NCK1: variants seen among roughly 807,000 people sequenced by gnomAD.
The protein encoded by NCK1 is SH2/SH3 adapter protein NCK1.
Under a neutral mutation model 36.6 loss-of-function variants are expected in NCK1, and 19 were observed. The observed-to-expected ratio is 0.52, with a 90% CI of 0.36 to 0.76. The LOEUF (loss-of-function observed/expected upper bound fraction) is 0.76, where lower values mean the gene tolerates loss of function less well. NCK1 is among the 30% of genes least tolerant of loss of function. NCK1 has a pLI of 0.00. For synonymous variants in NCK1, 165 were observed against 156.0 expected (o/e 1.06, Z -0.43); for missense variants, 358 against 445.6 (o/e 0.80, Z 1.77).
intron 1 of NCK1, among the ~76,000 whole-genome samples, chr3:136,912,486 T>G (rs1939852848): frequency 8.8e-6 from 1 of 113,612 alleles, no homozygotes; most frequent in African/African-American, 3.3e-5. Context: ...TTGACTTTTC[T>G]TCAGTCTTTT....
chr3:136,930,768 C>T lies in NCK1; in HGVS notation c.226+2541C>T, dbSNP rs79750596. Among the ~76,000 whole-genome samples, 316 of 152,176 alleles carry T rather than the reference C, an allele frequency of 2.1e-3. 7 individuals carry two copies. In the East Asian group the frequency reaches 0.048, roughly 23 times the overall value. Reference sequence around the variant, plus strand: ...ATATATCCAAAAATTGTAGTTTCGACTTGGTAAGTAAAATAATTTTAAAAT... The same window carrying T: ...ATATATCCAAAAATTGTAGTTTCGATTTGGTAAGTAAAATAATTTTAAAAT... On this transcript the variant is annotated intron_variant, in intron 2 of 3. Coordinates refer to ENST00000481752, the MANE Select transcript of NCK1 (RefSeq NM_001291999.2).
At chr3:136,905,100 C>T (rs1939650147) in intron 1 of NCK1, among the ~76,000 whole-genome samples, 2 of 151,452 alleles carry the variant, frequency 1.3e-5, no homozygotes, top group African/African-American at 2.4e-5. Flanking sequence ...GCAACCTTCA[C>T]CTCCCAGGTT....
chr3:136,866,062 A>C (rs571945933), intron 1 of NCK1, among the ~76,000 whole-genome samples: 1 of 152,336 alleles, frequency 6.6e-6, no homozygotes, highest in Admixed American at 6.5e-5. Context: ...TGCTTCAAAC[A>C]CATCCTTCAC....
chr3:136,893,895 C>T (rs1324718832), intron 1 of NCK1, among the ~76,000 whole-genome samples: 1 of 152,180 alleles, frequency 6.6e-6, no homozygotes, highest in African/African-American at 2.4e-5. Context: ...GCTGGGCCAG[C>T]ATTTAAGCTG....
intron 1 of NCK1, among the ~76,000 whole-genome samples, chr3:136,867,170 TTCCTTCCTTCTTTC>T (rs1560028613): frequency 8.7e-5 from 5 of 57,484 alleles, no homozygotes; most frequent in Non-Finnish European, 1.1e-4. Context: ...CCTTCCTTCC[TTCCTTCCTTCTTTC>T]TTTCTTTTCT....
At chr3:136,922,077 C>A (rs1308731539) in intron 1 of NCK1, among the ~76,000 whole-genome samples, 1 of 152,218 alleles carries the variant, frequency 6.6e-6, no homozygotes, top group Non-Finnish European at 1.5e-5. Context: ...GCCACCGCGC[C>A]CGGCCACTGA....
intron 3 of NCK1, among the ~76,000 whole-genome samples, chr3:136,946,666 TTGGATGCAATGTGTAA>T (rs138413549): frequency 0.68 from 103,574 of 152,032 alleles, 35,580 homozygotes; most frequent in East Asian, 0.87. Context: ...AAAATTGCTA[TTGGATGCAATGTGTAA>T]GAAGGTAGTC....
intron 2 of NCK1, among the ~76,000 whole-genome samples, chr3:136,934,085 C>A (rs907979517): frequency 9.9e-5 from 15 of 152,144 alleles, no homozygotes; most frequent in Admixed American, 7.2e-4. Context: ...GATGGAGTTC[C>A]TGCTATGTAC....
chr3:136,898,724 G>A (rs892068028), intron 1 of NCK1, among the ~76,000 whole-genome samples: 1 of 152,156 alleles, frequency 6.6e-6, no homozygotes, highest in Non-Finnish European at 1.5e-5. Flanking sequence ...AAACTGAACG[G>A]TTAACGTTAA....
chr3:136,918,118 G>C (rs1940012557), intron 1 of NCK1, among the ~76,000 whole-genome samples: 1 of 152,130 alleles, frequency 6.6e-6, no homozygotes, highest in Non-Finnish European at 1.5e-5. Context: ...TGGGAGCTTA[G>C]AGTTTGTAAA....
At position 136,884,295 on chromosome 3, in the gene NCK1, G is replaced by T. The variant is rs533057838; in HGVS notation, c.-19+21942G>T. 3.9e-5 allele frequency among the ~76,000 whole-genome samples: 6 copies of T among 152,324 alleles called. No homozygotes were observed. In the East Asian group the frequency reaches 1.2e-3, roughly 29 times the overall value. ...GGGATGATTAAGTTGGCTGCATCCA[G>T]TAGAGCTATCCCTTGTCATATGCAT... is the stretch of plus-strand genomic sequence containing the variant. On this transcript the variant is annotated intron_variant, in intron 1 of 3. Transcript: ENST00000481752.
intron 1 of NCK1, among the ~76,000 whole-genome samples, chr3:136,884,300 G>C (rs1939018272): frequency 6.6e-6 from 1 of 152,184 alleles, no homozygotes; most frequent in South Asian, 2.1e-4. Flanking sequence ...ATCCAGTAGA[G>C]CTATCCCTTG....
chr3:136,880,263 T>A (rs551679778), intron 1 of NCK1, among the ~76,000 whole-genome samples: 2 of 150,376 alleles, frequency 1.3e-5, no homozygotes, highest in African/African-American at 4.9e-5. Context: ...CCAGCCGGGG[T>A]GACAGAGCGA....
intron 1 of NCK1, among the ~76,000 whole-genome samples, chr3:136,890,089 C>A (rs1053990545): frequency 9.9e-5 from 15 of 152,124 alleles, no homozygotes; most frequent in Admixed American, 6.5e-4. Context: ...GCACAGCAGC[C>A]CATGGGGCGG....
At chr3:136,940,890 C>CT (rs1371275141) in intron 2 of NCK1, among the ~76,000 whole-genome samples, 5 of 152,064 alleles carry the variant, frequency 3.3e-5, no homozygotes, top group South Asian at 2.1e-4. Context: ...CTCAGTTATC[C>CT]TTTACATGGG....
At chr3:136,877,836 G>A (rs1576945894) in intron 1 of NCK1, among the ~76,000 whole-genome samples, 3 of 152,218 alleles carry the variant, frequency 2.0e-5, no homozygotes, top group Admixed American at 2.0e-4. Context: ...GGAGGTGAGG[G>A]TGGTGCTAAA....
intron 2 of NCK1, among the ~76,000 whole-genome samples, chr3:136,945,305 TTTATAA>T (rs1211134824): frequency 4.6e-5 from 7 of 152,192 alleles, no homozygotes; most frequent in Admixed American, 2.0e-4. Context: ...TTAGGACAAC[TTTATAA>T]TTATGTTATA....
intron 1 of NCK1, among the ~76,000 whole-genome samples, chr3:136,865,888 T>C (rs929464557): frequency 9.2e-5 from 14 of 152,250 alleles, no homozygotes; most frequent in African/African-American, 3.1e-4. Context: ...ATTACCATGC[T>C]TTCAATTACC....
intron 1 of NCK1, among the ~76,000 whole-genome samples, chr3:136,902,487 A>T (rs1939571358): frequency 6.6e-6 from 1 of 152,126 alleles, no homozygotes; most frequent in South Asian, 2.1e-4. Flanking sequence ...GAGCTATCCC[A>T]CCTGGCCTAT....
Sources: allele counts gnomAD v4.1 joint callset (sites outside exome capture counted in the v4.1 genomes callset), GRCh38; gene constraint gnomAD v4.1.1; transcripts MANE v1.5; gene names NCBI Gene and HGNC (gene_info 2026-07-23, HGNC 2026-07-21).